Variants in PLEKHG1 observed in about 807,000 individuals in gnomAD.
PLEKHG1 encodes the protein pleckstrin homology and RhoGEF domain containing G1, also known as pleckstrin homology domain-containing family G member 1.
A neutral mutation model predicts 100.8 loss-of-function variants in PLEKHG1; 44 were observed. That is an observed-to-expected ratio of 0.44 (90% CI 0.34 to 0.56). The LOEUF (loss-of-function observed/expected upper bound fraction) is 0.56, where lower values mean the gene tolerates loss of function less well. Ranked by LOEUF, PLEKHG1 falls within the 20% of genes least tolerant of loss-of-function variation. The probability of loss-of-function intolerance (pLI) is 0.01; values close to 1 mark genes in which losing one functional copy is unlikely to be tolerated. For missense variants in PLEKHG1, 1,545 were observed against 1,720.9 expected (o/e 0.90, Z 1.81); for synonymous variants, 640 against 662.5 (o/e 0.97, Z 0.52).
At chr6:150,725,940 A>T (rs1781942958) in intron 1 of PLEKHG1, among the ~76,000 whole-genome samples, 1 of 152,180 alleles carries the variant, frequency 6.6e-6, no homozygotes, top group Non-Finnish European at 1.5e-5. Context: ...CCATAAAAAA[A>T]AGAAGGAAAT....
chr6:150,745,923 A>G (rs1466069307), intron 2 of PLEKHG1, among the ~76,000 whole-genome samples: 1 of 152,218 alleles, frequency 6.6e-6, no homozygotes. Flanking sequence ...AACAAAAGGA[A>G]GCAAGAGAGG....
At chr6:150,745,101 G>C (rs1783082923) in intron 2 of PLEKHG1, among the ~76,000 whole-genome samples, 1 of 152,134 alleles carries the variant, frequency 6.6e-6, no homozygotes, top group Non-Finnish European at 1.5e-5. Context: ...CATTATACAG[G>C]CATCATAGAG....
intron 3 of PLEKHG1, among the ~76,000 whole-genome samples, chr6:150,698,672 T>C (rs1446364995): frequency 6.6e-6 from 1 of 152,220 alleles, no homozygotes; most frequent in Non-Finnish European, 1.5e-5. Flanking sequence ...ATACATAAAG[T>C]TCTAAAGCTC....
chr6:150,715,084 C>T (rs1781374394), intron 3 of PLEKHG1, among the ~76,000 whole-genome samples: 1 of 152,172 alleles, frequency 6.6e-6, no homozygotes, highest in Non-Finnish European at 1.5e-5. Context: ...CAGGCATGAG[C>T]CACCATGCCT....
intron 3 of PLEKHG1, among the ~76,000 whole-genome samples, chr6:150,690,419 T>C (rs1482563255): frequency 6.6e-6 from 1 of 152,126 alleles, no homozygotes; most frequent in Non-Finnish European, 1.5e-5. Flanking sequence ...AAGCTGCTAC[T>C]ACTTCAAGAA....
At chr6:150,678,610 ATCCACATACTCTT>A in intron 3 of PLEKHG1, among the ~76,000 whole-genome samples, 1 of 152,354 alleles carries the variant, frequency 6.6e-6, no homozygotes, top group East Asian at 1.9e-4. Context: ...CTTGTAATTA[ATCCACATACTCTT>A]TAAAATAGAG....
At chr6:150,821,392 A>G (rs553723145) in intron 13 of PLEKHG1, among the ~76,000 whole-genome samples, 159 bp downstream of exon 14, 4 of 152,344 alleles carry the variant, frequency 2.6e-5, no homozygotes, top group Non-Finnish European at 4.4e-5. Context: ...ATTATAAAAT[A>G]TATAGTCAAA....
intron 2 of PLEKHG1, among the ~76,000 whole-genome samples, chr6:150,765,409 G>A (rs374767289): frequency 1.3e-5 from 2 of 151,744 alleles, no homozygotes; most frequent in South Asian, 4.2e-4. Flanking sequence ...CAGGAGAATC[G>A]CTTGAACTTG....
chr6:150,777,187 T>A (rs1289999686), intron 3 of PLEKHG1, among the ~76,000 whole-genome samples: 2 of 149,830 alleles, frequency 1.3e-5, no homozygotes, highest in African/African-American at 5.0e-5. Context: ...ACATGTGCGG[T>A]TGCACATCAG....
chr6:150,840,599 AGAT>A (rs1326728038), exon 16 of PLEKHG1: 5 of 1,614,132 alleles, frequency 3.1e-6, no homozygotes, highest in Non-Finnish European at 4.2e-6. Context: ...AGTCAGAAGA[AGAT>A]GAGTCGGAGT....
At chr6:150,705,606 C>T (rs1780973386) in intron 3 of PLEKHG1, among the ~76,000 whole-genome samples, 1 of 152,266 alleles carries the variant, frequency 6.6e-6, no homozygotes, top group Admixed American at 6.5e-5. Flanking sequence ...GCTCAATCCA[C>T]CTCCAGTCTG....
intron 2 of PLEKHG1, among the ~76,000 whole-genome samples, chr6:150,753,450 T>C (rs548396312): frequency 2.0e-5 from 3 of 152,292 alleles, no homozygotes; most frequent in Admixed American, 2.0e-4. Context: ...GCCCTTAACC[T>C]TTCAGAAAGC....
intron 2 of PLEKHG1, among the ~76,000 whole-genome samples, chr6:150,763,024 C>CTTTTTTTTTTTTTTTTTGTTTT (rs1784253967): frequency 1.3e-5 from 1 of 76,530 alleles, no homozygotes; most frequent in Non-Finnish European, 2.1e-5. Context: ...GATAAAGCTT[C>CTTTTTTTTTTTTTTTTTGTTTT]TTTTTTTTTT....
chr6:150,652,375 A>T (rs1778782777), intron 3 of PLEKHG1, among the ~76,000 whole-genome samples: 1 of 152,212 alleles, frequency 6.6e-6, no homozygotes, highest in African/African-American at 2.4e-5. Context: ...TTAGGAATAG[A>T]TGAAGAAATT....
exon 16 of PLEKHG1, chr6:150,840,805 A>C (rs770661892): frequency 6.2e-7 from 1 of 1,614,176 alleles, no homozygotes; most frequent in East Asian, 2.2e-5. Context: ...CTGAATGACT[A>C]TCTTTGGAGG....
chr6:150,678,933 C>A (rs1779846619), intron 3 of PLEKHG1, among the ~76,000 whole-genome samples: 1 of 152,162 alleles, frequency 6.6e-6, no homozygotes, highest in Non-Finnish European at 1.5e-5. Context: ...AACCTGAAAT[C>A]TCTGAATATC....
At position 150,641,876 on chromosome 6, in the gene PLEKHG1, C is replaced by CAAAAAAAAAAAAAA. The variant is rs71554473; in HGVS notation, c.-158+3761_-158+3774dup. Among the ~76,000 whole-genome samples the CAAAAAAAAAAAAAA allele has an allele frequency of 6.5e-5, 5 of 76,796 alleles. 1 individual carries two copies. The highest frequency in any genetic ancestry group is 8.9e-5 in the Non-Finnish European group (4 of 44,888). 50.4% of individuals were successfully genotyped at this position (76,796 alleles called of 152,430 possible). ...GTTTTACTTGACTGATGTGAAAAGGCAAAAAAAAAAAAAAAAAAAAAAAGC... is the reference window on the plus strand; with the variant it reads ...GTTTTACTTGACTGATGTGAAAAGGCAAAAAAAAAAAAAAAAAAAAAAAAAAAAAAAAAAAAAGC... On this transcript the variant is annotated intron_variant, in intron 2 of 3. Transcript: ENST00000367326.
intron 3 of PLEKHG1, among the ~76,000 whole-genome samples, chr6:150,782,905 A>G (rs1253021051): frequency 6.6e-6 from 1 of 152,208 alleles, no homozygotes; most frequent in Non-Finnish European, 1.5e-5. Context: ...ATTTGAGAAG[A>G]GCATCTAACA....
chr6:150,800,605 A>G, intron 5 of PLEKHG1, 114 bp from the exon 7 acceptor site: 1 of 946,092 alleles, frequency 1.1e-6, no homozygotes, highest in South Asian at 1.6e-5. Context: ...ATCTGACCAC[A>G]GCTCTGGAGC....
Sources: gnomAD v4.1 joint callset for allele counts (sites outside exome capture counted in the v4.1 genomes callset) on GRCh38, gnomAD v4.1.1 for gene constraint, MANE v1.5 for transcripts, NCBI Gene and HGNC (gene_info 2026-07-23, HGNC 2026-07-21) for gene names.